The following IFT46 variants were observed in gnomAD, a reference collection of about 807,000 sequenced individuals.
IFT46 encodes intraflagellar transport 46.
A neutral mutation model predicts 39.6 loss-of-function variants in IFT46; 19 were observed. The ratio of observed to expected loss-of-function variants is 0.48; its 90% CI spans 0.33 to 0.70. IFT46 has a LOEUF of 0.70. Ranked by LOEUF, IFT46 falls within the 30% of genes least tolerant of loss-of-function variation. The probability of loss-of-function intolerance (pLI) is 0.01; values close to 1 mark genes in which losing one functional copy is unlikely to be tolerated. For synonymous variants in IFT46, 117 were observed against 134.8 expected (o/e 0.87, Z 0.91); for missense variants, 334 against 364.8 (o/e 0.92, Z 0.69).
intron 9 of IFT46, chr11:118,546,315 T>G: frequency 1.7e-6 from 1 of 601,580 alleles, no homozygotes; most frequent in Non-Finnish European, 3.0e-6. Context: ...CTGGGCAACA[T>G]GGTGAAATTC....
upstream of IFT46, among the ~76,000 whole-genome samples, chr11:118,576,221 A>G (rs17122274): frequency 0.016 from 2,369 of 152,008 alleles, 78 homozygotes; most frequent in African/African-American, 0.053. Context: ...GAGAGTTGTT[A>G]TTTAGTCCAA....
chr11:118,557,875 T>C, intron 3 of IFT46: 1 of 1,603,456 alleles, frequency 6.2e-7, no homozygotes, highest in Non-Finnish European at 8.5e-7. Flanking sequence ...GCCTGTGGCA[T>C]GCCCTCCCTT....
At chr11:118,566,013 C>T (rs1405637337), upstream of IFT46, 1 of 152,178 alleles carries the variant, frequency 6.6e-6, no homozygotes, top group Non-Finnish European at 1.5e-5. Flanking sequence ...GCTCTCCACG[C>T]AGGAAGAAGA....
chr11:118,557,423 G>T, intron 3 of IFT46: 1 of 397,564 alleles, frequency 2.5e-6, no homozygotes, highest in Non-Finnish European at 4.5e-6. Context: ...CAGGGAATAT[G>T]AAGTGGGAAT....
intron 1 of IFT46, chr11:118,572,467 T>C: frequency 6.6e-7 from 1 of 1,511,716 alleles, no homozygotes; most frequent in Non-Finnish European, 9.1e-7. Flanking sequence ...GGTCCAGAGC[T>C]GCTGGTGCTC....
At chr11:118,575,865 A>G (rs548237038), upstream of IFT46, among the ~76,000 whole-genome samples, 12 of 152,210 alleles carry the variant, frequency 7.9e-5, no homozygotes, top group South Asian at 2.1e-4. Context: ...TGGTTAGACA[A>G]TTTGCCTTCT....
At chr11:118,556,335 CA>C (rs1457655576) in intron 4 of IFT46, among the ~76,000 whole-genome samples, 2 of 151,586 alleles carry the variant, frequency 1.3e-5, no homozygotes, top group South Asian at 4.2e-4. Context: ...ATTAAAAATA[CA>C]AAAAAAATTA....
intron 5 of IFT46, 61 bp downstream of exon 5, chr11:118,555,187 A>G: frequency 6.4e-7 from 1 of 1,550,882 alleles, no homozygotes; most frequent in Non-Finnish European, 8.9e-7. Flanking sequence ...CAGACTAGAG[A>G]TAGGAAAGGT....
intron 2 of IFT46, among the ~76,000 whole-genome samples, chr11:118,562,600 G>A (rs1938095668): frequency 6.6e-6 from 1 of 151,962 alleles, no homozygotes; most frequent in Non-Finnish European, 1.5e-5. Flanking sequence ...AATATCCACA[G>A]CTGTCAAGAG....
upstream of IFT46, among the ~76,000 whole-genome samples, chr11:118,566,648 G>A (rs553178256): frequency 1.9e-3 from 283 of 152,292 alleles, 1 homozygote; most frequent in Non-Finnish European, 3.5e-3. Context: ...AGCCGAGATC[G>A]CACCACTGCA....
chr11:118,559,869 GA>G lies in IFT46; in HGVS notation c.-35-6del, dbSNP rs1565350080. ...GATGGGCAGAACGAGGAAGTCCTTA[GA>G]AAAAAAGTTTTTCCTTTAGATTATT... On this transcript the variant is annotated splice_region_variant and splice_polypyrimidine_tract_variant and intron_variant, in intron 2 of 11. Coordinates refer to ENST00000264021, the MANE Select transcript of IFT46 (RefSeq NM_001168618.2). The G allele has an allele frequency of 3.2e-6, 5 of 1,564,134 alleles. No individual in the cohort carries two copies. The highest frequency in any genetic ancestry group is 4.4e-6 in the Non-Finnish European group (5 of 1,142,812).
At chr11:118,546,098 G>C (rs1951677930) in intron 9 of IFT46, 1 of 718,516 alleles carries the variant, frequency 1.4e-6, no homozygotes, top group Non-Finnish European at 2.6e-6. Context: ...CCTTAATCCA[G>C]TATGACTGGT....
In IFT46 at chr11:118,548,045, C is replaced by CTT. The variant is rs544682715; in HGVS notation, c.673-2194_673-2193dup. 5.0e-3 allele frequency among the ~76,000 whole-genome samples: 652 copies of CTT among 129,148 alleles called. 15 individuals are homozygous for CTT. The highest frequency in any genetic ancestry group is 0.018 in the African/African-American group (606 of 34,288). 84.7% of individuals were successfully genotyped at this position (129,148 alleles called of 152,430 possible). ...ACAGGCGTGAGCCACCACGCCCAGC[C>CTT]TTTTTTTTTTTTTTTTTTAATAGAG... On this transcript the variant is annotated intron_variant, in intron 9 of 11. Transcript: ENST00000264021.
chr11:118,558,071 C>T (rs1246634132), intron 3 of IFT46, among the ~76,000 whole-genome samples: 1 of 152,122 alleles, frequency 6.6e-6, no homozygotes, highest in Middle Eastern at 3.2e-3. Context: ...CCAAAAACTG[C>T]TTTTAGTCAC....
At chr11:118,562,466 A>C (rs1555070747) in intron 2 of IFT46, among the ~76,000 whole-genome samples, 1 of 152,164 alleles carries the variant, frequency 6.6e-6, no homozygotes, top group African/African-American at 2.4e-5. Context: ...AATTAAAATA[A>C]AAGTATAATT....
intron 2 of IFT46, chr11:118,561,582 C>A (rs564079755): frequency 3.8e-5 from 23 of 602,690 alleles, no homozygotes; most frequent in Non-Finnish European, 6.4e-5. Context: ...GAGAGCTAAA[C>A]CAAACAATTT....
chr11:118,548,996 AAGAGATT>A (rs1951760026), intron 9 of IFT46, among the ~76,000 whole-genome samples: 1 of 151,034 alleles, frequency 6.6e-6, no homozygotes, highest in Non-Finnish European at 1.5e-5. Context: ...TCCTGGGTTC[AAGAGATT>A]CTCCTGCCTC....
chr11:118,552,764 G>A (rs1937686734), intron 7 of IFT46, among the ~76,000 whole-genome samples: 1 of 151,046 alleles, frequency 6.6e-6, no homozygotes, highest in Non-Finnish European at 1.5e-5. Context: ...CTGCACTCCA[G>A]CCTAGGCAAG....
chr11:118,556,872 A>G, intron 4 of IFT46, 34 bp downstream of exon 4: 1 of 1,506,384 alleles, frequency 6.6e-7, no homozygotes. Flanking sequence ...AGGTATTCTG[A>G]AGAGCACCCT....
Sources: gnomAD v4.1 joint callset for allele counts (sites outside exome capture counted in the v4.1 genomes callset) on GRCh38, gnomAD v4.1.1 for gene constraint, MANE v1.5 for transcripts, NCBI Gene and HGNC (gene_info 2026-07-23, HGNC 2026-07-21) for gene names.